The following ANKFN1 variants were observed in gnomAD, a reference collection of about 807,000 sequenced individuals.
The protein encoded by ANKFN1 is ankyrin repeat and fibronectin type-III domain-containing protein 1.
Under a neutral mutation model 108.7 loss-of-function variants are expected in ANKFN1, and 74 were observed. The ratio of observed to expected loss-of-function variants is 0.68; its 90% CI spans 0.56 to 0.83. ANKFN1 has a LOEUF of 0.83. ANKFN1 is among the 40% of genes least tolerant of loss of function. The pLI is 0.00. For missense variants in ANKFN1, 1,505 were observed against 1,382.3 expected (o/e 1.09, Z -1.41); for synonymous variants, 547 against 516.2 (o/e 1.06, Z -0.81).
intron 4 of ANKFN1, among the ~76,000 whole-genome samples, chr17:56,113,761 T>G (rs1906107074): frequency 6.6e-6 from 1 of 152,116 alleles, no homozygotes. Context: ...TTATCATAAG[T>G]CAAATAGGCA....
chr17:56,173,937 A>G (rs1301567510), intron 1 of ANKFN1, among the ~76,000 whole-genome samples: 1 of 152,230 alleles, frequency 6.6e-6, no homozygotes, highest in Non-Finnish European at 1.5e-5. Flanking sequence ...TACTTGGCTG[A>G]CATTCTCCAC....
At chr17:56,338,515 T>A (rs1295738454) in intron 4 of ANKFN1, among the ~76,000 whole-genome samples, 1 of 152,118 alleles carries the variant, frequency 6.6e-6, no homozygotes, top group Admixed American at 6.6e-5. Context: ...TGAAAATGGC[T>A]AATAAGGAAC....
At chr17:56,150,926 G>T (rs940063217), upstream of ANKFN1, among the ~76,000 whole-genome samples, 5 of 152,198 alleles carry the variant, frequency 3.3e-5, no homozygotes, top group Non-Finnish European at 1.5e-5. Flanking sequence ...TTTGGGAAAG[G>T]ATTTGGGACA....
At chr17:56,175,856 GCCACAGTTTACACT>G (rs1223525289) in intron 1 of ANKFN1, among the ~76,000 whole-genome samples, 1 of 131,576 alleles carries the variant, frequency 7.6e-6, no homozygotes, top group Non-Finnish European at 1.6e-5. Context: ...GATTGATGCA[GCCACAGTTTACACT>G]CCACACTTCA....
chr17:56,506,630 A>C (rs2051579070), intron 20 of ANKFN1, among the ~76,000 whole-genome samples: 1 of 151,264 alleles, frequency 6.6e-6, no homozygotes, highest in Non-Finnish European at 1.5e-5. Context: ...TTGTTCCAGC[A>C]GCCACAGGAA....
chr17:56,101,113 G>A (rs1180392392), intron 4 of ANKFN1, among the ~76,000 whole-genome samples: 2 of 152,120 alleles, frequency 1.3e-5, no homozygotes, highest in African/African-American at 2.4e-5. Flanking sequence ...AATCCAGGAA[G>A]TGAACAGTAG....
At chr17:56,432,257 G>A (rs2048782990) in intron 8 of ANKFN1, among the ~76,000 whole-genome samples, 1 of 152,158 alleles carries the variant, frequency 6.6e-6, no homozygotes, top group South Asian at 2.1e-4. Flanking sequence ...GATCTATCTG[G>A]ACATCTTACT....
intron 8 of ANKFN1, among the ~76,000 whole-genome samples, chr17:56,384,927 T>C (rs1056825445): frequency 4.7e-4 from 72 of 151,786 alleles, no homozygotes; most frequent in Non-Finnish European, 8.2e-4. Flanking sequence ...GCCATCCCCA[T>C]CAAGCTACCA....
At chr17:56,189,416 C>A (rs1174567602) in intron 1 of ANKFN1, among the ~76,000 whole-genome samples, 1 of 151,564 alleles carries the variant, frequency 6.6e-6, no homozygotes, top group Non-Finnish European at 1.5e-5. Flanking sequence ...GTGATCCGCC[C>A]GCCTCGGCCT....
chr17:56,312,149 T>C (rs1395411235), intron 3 of ANKFN1, among the ~76,000 whole-genome samples: 1 of 152,228 alleles, frequency 6.6e-6, no homozygotes, highest in Non-Finnish European at 1.5e-5. Context: ...GGCTACCATG[T>C]GGTTACTGGA....
chr17:56,514,031 T>C lies in ANKFN1; in HGVS notation c.*2762T>C, dbSNP rs1363471059. Among the ~76,000 whole-genome samples, 1 of 152,236 alleles carries C rather than the reference T, an allele frequency of 6.6e-6. No homozygotes were observed. The highest frequency in any genetic ancestry group is 2.4e-5 in the African/African-American group (1 of 41,466). ...CCTTCTACTTACAGAGACTTTACAATGTCTGAGGATATTTTGTTTTATTTT... is the reference window on the plus strand; with the variant it reads ...CCTTCTACTTACAGAGACTTTACAACGTCTGAGGATATTTTGTTTTATTTT... On this transcript the variant is annotated 3_prime_UTR_variant, in exon 21 of 21. Transcript: ENST00000682825.
chr17:56,412,316 T>C (rs1191172749), intron 8 of ANKFN1, among the ~76,000 whole-genome samples: 1 of 152,254 alleles, frequency 6.6e-6, no homozygotes, highest in Non-Finnish European at 1.5e-5. Flanking sequence ...GTATCAGTTG[T>C]AATGTCTCCT....
chr17:56,313,321 G>A (rs1409839929), intron 3 of ANKFN1, among the ~76,000 whole-genome samples: 1 of 152,196 alleles, frequency 6.6e-6, no homozygotes, highest in African/African-American at 2.4e-5. Flanking sequence ...AACAGTATGT[G>A]CAAAGATCTT....
chr17:56,462,366 G>A (rs936756041), intron 14 of ANKFN1, among the ~76,000 whole-genome samples: 60 of 152,272 alleles, frequency 3.9e-4, no homozygotes, highest in Admixed American at 3.3e-3. Context: ...AGGCCAAGGC[G>A]GGCAGATCAC....
chr17:56,442,895 C>T lies in ANKFN1; in HGVS notation c.1061C>T (p.Pro354Leu). 1 of 1,613,808 alleles carries T rather than the reference C, an allele frequency of 6.2e-7. No individual in the cohort carries two copies. The highest frequency in any genetic ancestry group is 8.5e-7 in the Non-Finnish European group (1 of 1,179,766). The change falls in exon 10 of 21, where the codon CCT becomes CTT. Residue 354 changes from proline (P) to leucine (L), a missense_variant. Physicochemically the swap from Pro to Leu is moderately conservative, Grantham distance 98 (BLOSUM62 -3). Coordinates refer to ENST00000682825, the MANE Select transcript of ANKFN1 (RefSeq NM_001370326.1). ...VSAYNMKGWG[P>L]AQTTTPACAS... ...GCTTACAATATGAAAGGATGGGGAC[C>T]TGCTCAGACCACGACACCGGCATGT...
chr17:56,167,899 C>T lies in ANKFN1; in HGVS notation c.-71+14369C>T, dbSNP rs145435689. Among the ~76,000 whole-genome samples, 309 of 152,280 alleles carry T rather than the reference C, an allele frequency of 2.0e-3. 2 individuals carry two copies. The highest frequency in any genetic ancestry group is 7.2e-3 in the African/African-American group (299 of 41,556). On this transcript the variant is annotated intron_variant, in intron 1 of 20. Coordinates refer to ENST00000682825, the MANE Select transcript of ANKFN1 (RefSeq NM_001370326.1). ...TCACTTTTAGTCATAGACCCAACCT[C>T]AGTGGGCCTGGAAAATGCAGGCTTC...
chr17:56,256,688 A>G (rs1035873846), intron 3 of ANKFN1, among the ~76,000 whole-genome samples: 1 of 152,118 alleles, frequency 6.6e-6, no homozygotes, highest in African/African-American at 2.4e-5. Flanking sequence ...CCCTTTATCT[A>G]TTATACACAA....
intron 3 of ANKFN1, among the ~76,000 whole-genome samples, chr17:56,267,304 A>G (rs1326361899): frequency 6.6e-6 from 1 of 152,174 alleles, no homozygotes; most frequent in Non-Finnish European, 1.5e-5. Context: ...AATTTTTTAA[A>G]TGTCCTTATA....
intron 4 of ANKFN1, among the ~76,000 whole-genome samples, chr17:56,112,831 G>C (rs917153896): frequency 1.3e-5 from 2 of 152,100 alleles, no homozygotes; most frequent in Admixed American, 6.6e-5. Context: ...TCTATTGTTA[G>C]AGTTTAGATG....
Sources: allele counts gnomAD v4.1 joint callset (sites outside exome capture counted in the v4.1 genomes callset), GRCh38; gene constraint gnomAD v4.1.1; transcripts MANE v1.5; gene names NCBI Gene and HGNC (gene_info 2026-07-23, HGNC 2026-07-21).